Variants in SIPA1L3 observed in about 807,000 individuals in gnomAD.
SIPA1L3 encodes the protein signal-induced proliferation-associated 1-like protein 3.
A neutral mutation model predicts 150.1 loss-of-function variants in SIPA1L3; 59 were observed. The ratio of observed to expected loss-of-function variants is 0.39; its 90% CI spans 0.32 to 0.49. The LOEUF (loss-of-function observed/expected upper bound fraction) is 0.49, where lower values mean the gene tolerates loss of function less well. SIPA1L3 is among the 20% of genes least tolerant of loss of function. SIPA1L3 has a pLI of 0.86. For missense variants in SIPA1L3, 2,211 were observed against 2,489.5 expected (o/e 0.89, Z 2.38); for synonymous variants, 1,070 against 1,077.6 (o/e 0.99, Z 0.14).
At chr19:38,111,661 C>T (rs1415448457) in intron 8 of SIPA1L3, among the ~76,000 whole-genome samples, 3 of 152,214 alleles carry the variant, frequency 2.0e-5, no homozygotes, top group Admixed American at 6.5e-5. Flanking sequence ...TTGTCTAGCA[C>T]CTCTGTGCTG....
chr19:38,122,684 T>TCTG (rs1971048528), intron 9 of SIPA1L3, among the ~76,000 whole-genome samples: 3 of 152,206 alleles, frequency 2.0e-5, no homozygotes, highest in Non-Finnish European at 4.4e-5. Flanking sequence ...TGTCGACTTC[T>TCTG]CTGACCTCAT....
intron 1 of SIPA1L3, among the ~76,000 whole-genome samples, chr19:37,923,432 A>G (rs1477657861): frequency 1.3e-5 from 2 of 152,242 alleles, no homozygotes; most frequent in Non-Finnish European, 2.9e-5. Flanking sequence ...CAGTTGTAAC[A>G]CAATGGCAAG....
chr19:38,135,250 C>T (rs965443898), intron 10 of SIPA1L3, among the ~76,000 whole-genome samples: 4 of 152,176 alleles, frequency 2.6e-5, no homozygotes, highest in Non-Finnish European at 5.9e-5. Context: ...TCTGGGCAGG[C>T]CTAAACCCTG....
intron 20 of SIPA1L3, among the ~76,000 whole-genome samples, chr19:38,203,350 G>A (rs1209192497): frequency 6.6e-6 from 1 of 152,228 alleles, no homozygotes; most frequent in East Asian, 1.9e-4. Context: ...TTGTAGGAAA[G>A]GGTGGGCGAG....
chr19:37,919,837 A>G (rs1363376269), intron 1 of SIPA1L3, among the ~76,000 whole-genome samples: 1 of 150,516 alleles, frequency 6.6e-6, no homozygotes, highest in Non-Finnish European at 1.5e-5. Context: ...CAGCCTCCCA[A>G]GTAGCTGGGA....
At chr19:38,178,609 G>A (rs1033978307) in intron 15 of SIPA1L3, among the ~76,000 whole-genome samples, 9 of 152,166 alleles carry the variant, frequency 5.9e-5, no homozygotes, top group Middle Eastern at 3.4e-3. Flanking sequence ...CCGAGTAGCT[G>A]GGACTACAGG....
At chr19:38,033,495 C>T (rs1302113532) in intron 2 of SIPA1L3, among the ~76,000 whole-genome samples, 1 of 152,088 alleles carries the variant, frequency 6.6e-6, no homozygotes, top group Non-Finnish European at 1.5e-5. Context: ...TAAGACCAGC[C>T]TGGGCAGCAG....
Position 38,123,434 on chromosome 19 carries a change from C to G in SIPA1L3, c.2868+3552C>G, listed in dbSNP as rs559081945. Among the ~76,000 whole-genome samples the G allele has an allele frequency of 7.4e-3, 1,105 of 149,034 alleles. 5 individuals are homozygous for G. Among genetic ancestry groups the G allele is most frequent in the Non-Finnish European group, 0.011 (745 of 67,374 alleles). ...GCGGCCTTCCGCAGTGTTTGTGTCC[C>G]TGGGTACTTGAGATTAGGGAGTGGT... is the stretch of plus-strand genomic sequence containing the variant. On this transcript the variant is annotated intron_variant, in intron 9 of 21. Coordinates refer to ENST00000222345, the MANE Select transcript of SIPA1L3 (RefSeq NM_015073.3).
At chr19:37,955,841 G>T (rs353400) in intron 1 of SIPA1L3, among the ~76,000 whole-genome samples, 46,745 of 152,108 alleles carry the variant, frequency 0.31, 8,914 homozygotes, top group East Asian at 0.68. Flanking sequence ...GTTTGGGCTA[G>T]TATGAGTAGT....
intron 1 of SIPA1L3, among the ~76,000 whole-genome samples, chr19:38,008,088 T>C (rs900499151): frequency 6.6e-6 from 1 of 152,130 alleles, no homozygotes; most frequent in Non-Finnish European, 1.5e-5. Flanking sequence ...GTTATCCTCC[T>C]ATTGCAGATG....
At chr19:38,085,877 T>G (rs930487510) in intron 3 of SIPA1L3, among the ~76,000 whole-genome samples, 7 of 152,042 alleles carry the variant, frequency 4.6e-5, no homozygotes, top group Admixed American at 4.6e-4. Flanking sequence ...GTGCCTGTAA[T>G]CCCAGCTACT....
intron 18 of SIPA1L3, 109 bp downstream of exon 18, chr19:38,193,889 CGGG>C (rs1972862112): frequency 8.1e-7 from 1 of 1,236,244 alleles, no homozygotes; most frequent in Non-Finnish European, 1.1e-6. Flanking sequence ...TCATCAGTGT[CGGG>C]GCCATCTCAG....
chr19:38,083,028 G>A lies in SIPA1L3; in HGVS notation c.1463G>A (p.Arg488Gln). The change falls in exon 3 of 22, where the codon CGG becomes CAG. Residue 488 changes from arginine (R) to glutamine (Q), a missense_variant. Physicochemically the swap from Arg to Gln is conservative, Grantham distance 43. Around this residue, in one of 5 missense-constraint regions of SIPA1L3, gnomAD observed 625 missense variants for 804.2 expected, o/e 0.78. Transcript: ENST00000222345. ...VPKEQQRTQS[R>Q]PRQYSIEHVD... ...AAGGAGCAGCAGCGGACGCAGAGTC[G>A]GCCCCGGCAGTACAGCATCGAGCAT... 1.9e-6 allele frequency: 3 copies of A among 1,613,158 alleles called. No homozygotes were observed. Among genetic ancestry groups the A allele is most frequent in the Non-Finnish European group, 2.5e-6 (3 of 1,180,016 alleles).
intron 6 of SIPA1L3, among the ~76,000 whole-genome samples, chr19:38,102,994 G>T (rs1237548479): frequency 6.6e-6 from 1 of 152,114 alleles, no homozygotes; most frequent in Non-Finnish European, 1.5e-5. Context: ...GGGCGTGGTG[G>T]TTCACGCCTA....
At chr19:37,987,879 A>G (rs1967400460) in intron 1 of SIPA1L3, among the ~76,000 whole-genome samples, 1 of 152,144 alleles carries the variant, frequency 6.6e-6, no homozygotes, top group Admixed American at 6.5e-5. Flanking sequence ...TAATAAACGG[A>G]GCTTGGTATT....
intron 11 of SIPA1L3, 116 bp from the exon 12 acceptor site, chr19:38,142,457 C>A: frequency 8.3e-7 from 1 of 1,199,180 alleles, no homozygotes; most frequent in South Asian, 1.7e-5. Flanking sequence ...GGGGAAAGTT[C>A]GGTTGGTCTG....
chr19:38,101,283 G>T, intron 6 of SIPA1L3, 57 bp downstream of exon 6: 1 of 1,312,150 alleles, frequency 7.6e-7, no homozygotes, highest in Non-Finnish European at 1.0e-6. Context: ...TACTCAACAG[G>T]CAAAGCTTAA....
chr19:38,086,217 A>AC (rs11463885), intron 3 of SIPA1L3, among the ~76,000 whole-genome samples: 23,321 of 152,104 alleles, frequency 0.15, 1,873 homozygotes, highest in African/African-American at 0.19. Flanking sequence ...TTTTCAACCT[A>AC]CACGTACAAA....
chr19:37,936,642 C>T (rs899631014), intron 1 of SIPA1L3, among the ~76,000 whole-genome samples: 1 of 152,204 alleles, frequency 6.6e-6, no homozygotes, highest in Non-Finnish European at 1.5e-5. Flanking sequence ...TTATCACCCC[C>T]TCTTCTCAGA....
Sources: gnomAD v4.1 joint callset for allele counts (sites outside exome capture counted in the v4.1 genomes callset) on GRCh38, gnomAD v4.1.1 for gene constraint, gnomAD v4.1.1 regional missense constraint, MANE v1.5 for transcripts, NCBI Gene and HGNC (gene_info 2026-07-23, HGNC 2026-07-21) for gene names.